The following USP39 variants were observed in gnomAD, a reference collection of about 807,000 sequenced individuals.
The protein encoded by USP39 is ubiquitin specific peptidase 39.
In USP39, 38 loss-of-function variants were observed where a neutral mutation model predicts 66.4. That is an observed-to-expected ratio of 0.57 (90% confidence interval 0.44 to 0.75). USP39 has a LOEUF of 0.75. Ranked by LOEUF, USP39 falls within the 30% of genes least tolerant of loss-of-function variation. The pLI, the probability that USP39 is intolerant of heterozygous loss-of-function variation, is 0.00. For missense variants in USP39, 608 were observed against 714.4 expected, an observed-to-expected ratio of 0.85 and a Z score of 1.70; for synonymous variants, 303 against 274.6, an observed-to-expected ratio of 1.10 and a Z score of -1.02.
At chr2:85,626,538 C>T (rs1304127318) in intron 5 of USP39, among the ~76,000 whole-genome samples, 2 of 152,148 alleles carry the variant, frequency 1.3e-5, no homozygotes, top group African/African-American at 2.4e-5. Context: ...GCATCTGGAA[C>T]TTCAGGGAAT....
At chr2:85,604,246 G>C (rs934922875) in intron 1 of USP39, among the ~76,000 whole-genome samples, 1 of 152,180 alleles carries the variant, frequency 6.6e-6, no homozygotes, top group African/African-American at 2.4e-5. Flanking sequence ...AGTTTCACTT[G>C]TTGCCCAGGC....
chr2:85,643,645 C>G (rs1676420373), intron 10 of USP39, among the ~76,000 whole-genome samples: 1 of 128,678 alleles, frequency 7.8e-6, no homozygotes, highest in South Asian at 2.3e-4. Flanking sequence ...GGACTCATAT[C>G]TCCTTTTTTT....
chr2:85,634,038 C>T (rs561446848), intron 6 of USP39, among the ~76,000 whole-genome samples: 9 of 150,234 alleles, frequency 6.0e-5, no homozygotes, highest in Admixed American at 3.3e-4. Flanking sequence ...GGGGTTTCAC[C>T]GTTTTAGCCG....
chr2:85,623,925 G>A, intron 4 of USP39, 143 bp downstream of exon 4: 2 of 930,104 alleles, frequency 2.2e-6, no homozygotes, highest in Non-Finnish European at 1.6e-6. Flanking sequence ...GGGAAGAACT[G>A]GGGAAACTGA....
chr2:85,639,419 T>C, intron 9 of USP39, 28 bp downstream of exon 9: 2 of 1,574,036 alleles, frequency 1.3e-6, no homozygotes, highest in East Asian at 4.5e-5. Flanking sequence ...CTGCCCTGCC[T>C]ATACTTACCC....
At chr2:85,628,293 G>A (rs1250763542) in intron 5 of USP39, among the ~76,000 whole-genome samples, 1 of 151,868 alleles carries the variant, frequency 6.6e-6, no homozygotes, top group Non-Finnish European at 1.5e-5. Flanking sequence ...CTACAGGTGC[G>A]TGCCACCATG....
In USP39 at chr2:85,636,091, C is replaced by G; in HGVS notation, c.988C>G (p.Leu330Val). The G allele has an allele frequency of 6.2e-7, 1 of 1,614,136 alleles. No individual in the cohort carries two copies. Among genetic ancestry groups the G allele is most frequent in the Non-Finnish European group, 8.5e-7 (1 of 1,180,032 alleles). ...CTTTCTGTCTTGGTTTCTGAATGCTCTGCACTCAGCTCTGGGGGGCACAAA... is the reference window on the plus strand; with the variant it reads ...CTTTCTGTCTTGGTTTCTGAATGCTGTGCACTCAGCTCTGGGGGGCACAAA... ...VDFLSWFLNA[L>V]HSALGGTKKK... is the part of the protein sequence containing the mutation. The change falls in exon 7 of 13, where the codon CTG (leucine) becomes GTG (valine). Residue 330 changes from leucine to valine, a missense_variant. Physicochemically the swap from Leu to Val is conservative, Grantham distance 32. Transcript: ENST00000323701.
chr2:85,647,673 A>C (rs1352476940), intron 11 of USP39, among the ~76,000 whole-genome samples: 1 of 151,686 alleles, frequency 6.6e-6, no homozygotes, highest in Admixed American at 6.6e-5. Flanking sequence ...AAAAAAAAAA[A>C]CAAAAAAACA....
intron 5 of USP39, among the ~76,000 whole-genome samples, chr2:85,629,574 G>A (rs1390462438): frequency 6.7e-6 from 1 of 148,782 alleles, no homozygotes; most frequent in African/African-American, 2.5e-5. Flanking sequence ...TTGGCTCACT[G>A]CAACCTCCGC....
At chr2:85,603,549 A>G (rs910534329) in intron 1 of USP39, among the ~76,000 whole-genome samples, 1 of 151,662 alleles carries the variant, frequency 6.6e-6, no homozygotes, top group African/African-American at 2.4e-5. Context: ...CTTACAGGCT[A>G]TGAGTGCATT....
upstream of USP39, among the ~76,000 whole-genome samples, chr2:85,612,903 C>T (rs1486692316): frequency 1.3e-5 from 2 of 151,840 alleles, no homozygotes; most frequent in African/African-American, 2.4e-5. Flanking sequence ...TCAGGTGATC[C>T]GCCTGCCTCG....
chr2:85,621,973 C>T (rs1336999937), intron 3 of USP39, among the ~76,000 whole-genome samples: 2 of 151,904 alleles, frequency 1.3e-5, no homozygotes, highest in African/African-American at 4.8e-5. Context: ...GCGCCTGCCA[C>T]CATGCCTGGC....
At chr2:85,613,944 T>G, upstream of USP39, among the ~76,000 whole-genome samples, 1 of 151,168 alleles carries the variant, frequency 6.6e-6, no homozygotes, top group Non-Finnish European at 1.5e-5. Context: ...AAAATTTTTT[T>G]GTGGAGATGG....
At chr2:85,618,223 T>A (rs1558848264) in intron 1 of USP39, among the ~76,000 whole-genome samples, 1 of 151,886 alleles carries the variant, frequency 6.6e-6, no homozygotes, top group Non-Finnish European at 1.5e-5. Flanking sequence ...CCCAGAGTGC[T>A]GGGATTACAG....
At chr2:85,624,534 A>T (rs747516125) in intron 4 of USP39, among the ~76,000 whole-genome samples, 1 of 152,106 alleles carries the variant, frequency 6.6e-6, no homozygotes, top group Non-Finnish European at 1.5e-5. Flanking sequence ...TTTTGTAGAG[A>T]TGGAGTCTCA....
chr2:85,641,999 A>G (rs1482714871), intron 10 of USP39, among the ~76,000 whole-genome samples: 2 of 142,994 alleles, frequency 1.4e-5, no homozygotes, highest in East Asian at 1.9e-4. Context: ...ATCTAAAATT[A>G]AGAGGCCTGA....
intron 11 of USP39, 46 bp downstream of exon 11, chr2:85,645,129 G>A: frequency 1.2e-6 from 2 of 1,611,936 alleles, no homozygotes; most frequent in Admixed American, 1.7e-5. Context: ...GCAAAAACAG[G>A]TGTTTCTTTG....
chr2:85,632,661 G>T (rs1167062322), intron 6 of USP39, among the ~76,000 whole-genome samples: 2 of 151,996 alleles, frequency 1.3e-5, no homozygotes, highest in African/African-American at 4.8e-5. Context: ...TGTTAGCCAG[G>T]CAGGTCTCGA....
intron 10 of USP39, among the ~76,000 whole-genome samples, chr2:85,644,356 CT>C (rs1040208939): frequency 3.4e-4 from 52 of 152,078 alleles, no homozygotes; most frequent in African/African-American, 1.2e-3. Context: ...TATATTTTTC[CT>C]AAAATTATGT....
Sources: allele counts gnomAD v4.1 joint callset (sites outside exome capture counted in the v4.1 genomes callset), GRCh38; gene constraint gnomAD v4.1.1; transcripts MANE v1.5; gene names NCBI Gene and HGNC (gene_info 2026-07-23, HGNC 2026-07-21).